The following PDE11A variants were observed in gnomAD, a reference collection of about 807,000 sequenced individuals.
The protein encoded by PDE11A is phosphodiesterase 11A, also known as dual 3',5'-cyclic-AMP and -GMP phosphodiesterase 11A.
Under a neutral mutation model 100.5 loss-of-function variants are expected in PDE11A, and 100 were observed. The ratio of observed to expected loss-of-function variants is 1.00; its 90% CI spans 0.85 to 1.18. The LOEUF is 1.18. PDE11A is among the 50% of genes most tolerant of loss of function. The pLI, the probability that PDE11A is intolerant of heterozygous loss-of-function variation, is 0.00. For synonymous variants in PDE11A, 381 were observed against 420.8 expected (o/e 0.91, Z 1.16); for missense variants, 1,141 against 1,152.6 (o/e 0.99, Z 0.15).
intron 17 of PDE11A, among the ~76,000 whole-genome samples, chr2:177,669,783 A>G (rs543647709): frequency 1.3e-5 from 2 of 152,356 alleles, no homozygotes; most frequent in South Asian, 4.1e-4. Flanking sequence ...ATGTAATTTT[A>G]GATGCATGCC....
At chr2:177,872,744 C>A (rs16865885) in intron 5 of PDE11A, among the ~76,000 whole-genome samples, 4,845 of 152,234 alleles carry the variant, frequency 0.032, 113 homozygotes, top group Middle Eastern at 0.12. Context: ...AAGGAAAGAT[C>A]AGACTGTGAG....
intron 5 of PDE11A, among the ~76,000 whole-genome samples, chr2:177,855,800 C>G (rs2083821741): frequency 6.6e-6 from 1 of 151,844 alleles, no homozygotes; most frequent in Non-Finnish European, 1.5e-5. Flanking sequence ...TTGCAGCTAA[C>G]AAGAAGCTGA....
At chr2:177,736,687 A>G (rs530866609) in intron 10 of PDE11A, among the ~76,000 whole-genome samples, 3 of 152,144 alleles carry the variant, frequency 2.0e-5, no homozygotes, top group African/African-American at 7.2e-5. Flanking sequence ...CCATGGAGGC[A>G]AAGGACTCCC....
chr2:177,739,776 T>A (rs1574095565), intron 10 of PDE11A, among the ~76,000 whole-genome samples: 1 of 152,256 alleles, frequency 6.6e-6, no homozygotes. Context: ...ATTTATATAC[T>A]TTTACTTGTA....
At chr2:178,100,184 G>A (rs961974533) in intron 2 of PDE11A, among the ~76,000 whole-genome samples, 16 of 152,182 alleles carry the variant, frequency 1.1e-4, no homozygotes, top group African/African-American at 3.9e-4. Flanking sequence ...AAAACAGTGT[G>A]TGCTTAAAAT....
At chr2:177,936,215 CT>C (rs767067098) in intron 2 of PDE11A, among the ~76,000 whole-genome samples, 2 of 152,144 alleles carry the variant, frequency 1.3e-5, no homozygotes, top group African/African-American at 4.8e-5. Flanking sequence ...AAAGAATGTT[CT>C]TTTACATTTT....
chr2:178,021,719 C>A (rs1387238789), intron 1 of PDE11A, among the ~76,000 whole-genome samples: 2 of 152,140 alleles, frequency 1.3e-5, no homozygotes, highest in Non-Finnish European at 2.9e-5. Context: ...TAAGGTCAGA[C>A]AATATCTCCC....
chr2:177,871,103 A>C (rs749676832), intron 5 of PDE11A, among the ~76,000 whole-genome samples: 1 of 152,198 alleles, frequency 6.6e-6, no homozygotes, highest in Non-Finnish European at 1.5e-5. Flanking sequence ...AAAAGGTTTA[A>C]CATTCAGGCT....
At chr2:177,793,843 G>T (rs1301992899) in intron 9 of PDE11A, among the ~76,000 whole-genome samples, 1 of 152,162 alleles carries the variant, frequency 6.6e-6, no homozygotes, top group East Asian at 1.9e-4. Flanking sequence ...GGACCACTTT[G>T]GTTCACAGCC....
intron 1 of PDE11A, among the ~76,000 whole-genome samples, chr2:178,047,731 G>T (rs1457887703): frequency 6.6e-6 from 1 of 152,070 alleles, no homozygotes; most frequent in Non-Finnish European, 1.5e-5. Context: ...TTTTGGGGAA[G>T]GATTATTTTG....
At chr2:177,665,780 C>A (rs1019745785) in intron 18 of PDE11A, among the ~76,000 whole-genome samples, 2 of 150,354 alleles carry the variant, frequency 1.3e-5, no homozygotes, top group African/African-American at 4.9e-5. Context: ...TAACTTGAAC[C>A]TGGGAGGCAG....
chr2:178,069,257 G>A (rs2087092160), intron 1 of PDE11A, among the ~76,000 whole-genome samples: 1 of 152,114 alleles, frequency 6.6e-6, no homozygotes, highest in Non-Finnish European at 1.5e-5. Flanking sequence ...TTTTATGGGT[G>A]AGGAAATTGA....
chr2:178,107,337 C>G (rs1263894576), intron 1 of PDE11A, among the ~76,000 whole-genome samples: 1 of 150,584 alleles, frequency 6.6e-6, no homozygotes, highest in Non-Finnish European at 1.5e-5. Flanking sequence ...TCATTTTGTC[C>G]TATAATCATT....
At chr2:178,027,020 A>T (rs1277140993) in intron 1 of PDE11A, among the ~76,000 whole-genome samples, 6 of 152,196 alleles carry the variant, frequency 3.9e-5, no homozygotes, top group Admixed American at 1.3e-4. Flanking sequence ...TATAGTATTA[A>T]TCATTTAAGA....
intron 6 of PDE11A, among the ~76,000 whole-genome samples, chr2:177,836,545 T>C (rs139582630): frequency 0.019 from 2,858 of 152,266 alleles, 52 homozygotes; most frequent in South Asian, 0.046. Flanking sequence ...TGGGGCCAGA[T>C]AAGGGAATAA....
At chr2:177,710,936 CT>C (rs1374927593) in intron 13 of PDE11A, among the ~76,000 whole-genome samples, 1 of 152,210 alleles carries the variant, frequency 6.6e-6, no homozygotes, top group Non-Finnish European at 1.5e-5. Context: ...TCGTTGAGGC[CT>C]TCTCTACTTT....
intron 6 of PDE11A, among the ~76,000 whole-genome samples, chr2:177,839,707 A>C (rs1351242245): frequency 6.6e-6 from 1 of 152,216 alleles, no homozygotes; most frequent in Non-Finnish European, 1.5e-5. Context: ...GTATTTAATG[A>C]ATGTGTATAT....
At chr2:178,011,688 A>G (rs1010584043) in intron 2 of PDE11A, among the ~76,000 whole-genome samples, 1 of 152,212 alleles carries the variant, frequency 6.6e-6, no homozygotes. Flanking sequence ...TGCTGTCAGG[A>G]AAAGCTAATC....
chr2:177,787,411 C>T (rs1466983522), intron 9 of PDE11A, among the ~76,000 whole-genome samples: 1 of 151,566 alleles, frequency 6.6e-6, no homozygotes, highest in Non-Finnish European at 1.5e-5. Flanking sequence ...AAAGGAACAA[C>T]TGGTACCAGC....
Sources: allele counts gnomAD v4.1 joint callset (sites outside exome capture counted in the v4.1 genomes callset), GRCh38; gene constraint gnomAD v4.1.1; transcripts MANE v1.5; gene names NCBI Gene and HGNC (gene_info 2026-07-23, HGNC 2026-07-21).